GRK5: variants seen among roughly 807,000 people sequenced by gnomAD.
GRK5 encodes G protein-coupled receptor kinase 5.
In GRK5, 40 loss-of-function variants were observed where a neutral mutation model predicts 78.4. The ratio of observed to expected loss-of-function variants is 0.51; its 90% confidence interval spans 0.40 to 0.66. The LOEUF is 0.66. Ranked by LOEUF, GRK5 falls within the 30% of genes least tolerant of loss-of-function variation. The pLI is 0.00. For missense variants in GRK5, 598 were observed against 759.9 expected (o/e 0.79, Z 2.50); for synonymous variants, 289 against 296.8 (o/e 0.97, Z 0.27).
intron 1 of GRK5, among the ~76,000 whole-genome samples, chr10:119,235,579 ACT>A (rs1848911411): frequency 6.6e-6 from 1 of 152,024 alleles, no homozygotes; most frequent in Admixed American, 6.6e-5. Flanking sequence ...GGTTGTTCAG[ACT>A]CCATGAAGCT....
intron 1 of GRK5, among the ~76,000 whole-genome samples, chr10:119,265,612 G>A (rs1049158945): frequency 1.3e-5 from 2 of 152,194 alleles, no homozygotes; most frequent in African/African-American, 2.4e-5. Context: ...TTAGACTCAC[G>A]GGCAATGAAT....
At chr10:119,262,204 ACT>A (rs1466484679) in intron 1 of GRK5, among the ~76,000 whole-genome samples, 2 of 151,922 alleles carry the variant, frequency 1.3e-5, no homozygotes, top group African/African-American at 4.8e-5. Context: ...GGTCTGAAGT[ACT>A]CTCTTAGAAT....
At chr10:119,249,800 T>C (rs1458851780) in intron 1 of GRK5, among the ~76,000 whole-genome samples, 1 of 152,246 alleles carries the variant, frequency 6.6e-6, no homozygotes, top group Non-Finnish European at 1.5e-5. Context: ...TGCGTCCAGC[T>C]GACTTTGAAC....
At chr10:119,444,376 C>T (rs555406051) in intron 12 of GRK5, among the ~76,000 whole-genome samples, 1 of 152,240 alleles carries the variant, frequency 6.6e-6, no homozygotes, top group East Asian at 1.9e-4. Context: ...TGACAGGAGC[C>T]ATTGGAAGTG....
intron 1 of GRK5, among the ~76,000 whole-genome samples, chr10:119,259,210 G>A (rs1011664907): frequency 2.0e-5 from 3 of 152,018 alleles, no homozygotes; most frequent in Admixed American, 6.5e-5. Context: ...GACTATAGGC[G>A]CCCACCACCG....
Position 119,326,496 on chromosome 10 carries a change from C to T in GRK5, c.53-20C>T, listed in dbSNP as rs373525505. 2.5e-6 allele frequency: 4 copies of T among 1,605,868 alleles called. No homozygotes were observed. Among genetic ancestry groups the T allele is most frequent in the Non-Finnish European group, 2.6e-6 (3 of 1,172,816 alleles). ...AGGCTCTGGAGCCTCAGCCAGGCAT[C>T]TTTTTCCCCATCTCTGCAGGGGGCG... On this transcript the variant is annotated intron_variant, in intron 1 of 15. Transcript: ENST00000392870.
chr10:119,406,743 A>G (rs531172647), intron 4 of GRK5, among the ~76,000 whole-genome samples: 47 of 152,346 alleles, frequency 3.1e-4, no homozygotes, highest in South Asian at 2.9e-3. Flanking sequence ...AAGAGGATTG[A>G]AAAGAAAACT....
At chr10:119,208,564 A>G (rs1453402979) in intron 1 of GRK5, 1 of 152,286 alleles carries the variant, frequency 6.6e-6, no homozygotes, top group Non-Finnish European at 1.5e-5. Flanking sequence ...CAGACCACCT[A>G]GAAAATAATT....
chr10:119,422,417 A>T (rs1031706053), intron 4 of GRK5, among the ~76,000 whole-genome samples: 2 of 152,234 alleles, frequency 1.3e-5, no homozygotes. Flanking sequence ...TGAAGCTTTT[A>T]TTGATTTGCT....
rs1400137439 is a variant in GRK5, at chr10:119,458,860, G to A, written c.*3793G>A. The stretch of plus-strand genomic sequence containing the variant: ...CGAGCCGCTGCCCTCAAAACGGAGG[G>A]GGCACCGCAGCCTCCTTGAGCCTGG... On this transcript the variant is annotated 3_prime_UTR_variant, in exon 16 of 16. Coordinates refer to ENST00000392870, the MANE Select transcript of GRK5 (RefSeq NM_005308.3). The A allele has an allele frequency of 6.6e-6, 1 of 152,130 alleles. No individual in the cohort carries two copies. The highest frequency in any genetic ancestry group is 1.9e-4 in the East Asian group (1 of 5,186). 9.4% of individuals were successfully genotyped at this position (152,130 alleles called of 1,614,324 possible).
chr10:119,428,035 G>A (rs1369288940), intron 6 of GRK5, among the ~76,000 whole-genome samples: 1 of 152,246 alleles, frequency 6.6e-6, no homozygotes, highest in Non-Finnish European at 1.5e-5. Flanking sequence ...ATACTGGGAG[G>A]CACAGCCAAC....
intron 4 of GRK5, among the ~76,000 whole-genome samples, chr10:119,411,583 A>AT: frequency 6.6e-6 from 1 of 152,316 alleles, no homozygotes; most frequent in South Asian, 2.1e-4. Context: ...AAGAAAAAGA[A>AT]TAGGAGGTTA....
In GRK5 at chr10:119,452,167, C is replaced by T. The variant is rs931308711; in HGVS notation, c.1405-504C>T. Among the ~76,000 whole-genome samples the T allele has an allele frequency of 6.6e-6, 1 of 152,244 alleles. No homozygotes were observed. The highest frequency in any genetic ancestry group is 2.4e-5 in the African/African-American group (1 of 41,470). On this transcript the variant is annotated intron_variant, in intron 13 of 15. Coordinates refer to ENST00000392870, the MANE Select transcript of GRK5 (RefSeq NM_005308.3). The surrounding 1 kb of genome is among the most constrained non-coding windows in gnomAD (Gnocchi z 4.4). ...CAGGCTCGGTGGCCAGCACTGACAG[C>T]AGCCCCATCGCCCAGGTGCCTCGTT...
At chr10:119,414,691 G>A (rs1852411793) in intron 4 of GRK5, among the ~76,000 whole-genome samples, 1 of 152,158 alleles carries the variant, frequency 6.6e-6, no homozygotes, top group Admixed American at 6.6e-5. Context: ...GTGAAGTGAG[G>A]ACAGTAAGAA....
At chr10:119,353,639 G>T (rs1482231050) in intron 2 of GRK5, among the ~76,000 whole-genome samples, 2 of 152,210 alleles carry the variant, frequency 1.3e-5, no homozygotes, top group Non-Finnish European at 2.9e-5. Flanking sequence ...CAAAGGCTGG[G>T]TGGAGTGAGG....
intron 1 of GRK5, among the ~76,000 whole-genome samples, chr10:119,231,908 G>GTT (rs1848837011): frequency 6.6e-6 from 1 of 152,280 alleles, no homozygotes; most frequent in African/African-American, 2.4e-5. Flanking sequence ...AGCCACGATG[G>GTT]AGAACAGTAT....
chr10:119,422,726 G>T (rs1852595968), intron 4 of GRK5, among the ~76,000 whole-genome samples: 1 of 152,256 alleles, frequency 6.6e-6, no homozygotes, highest in African/African-American at 2.4e-5. Flanking sequence ...CCTGCTGGGG[G>T]CTCAGTGATG....
At chr10:119,226,680 G>A (rs1341431204) in intron 1 of GRK5, among the ~76,000 whole-genome samples, 1 of 151,284 alleles carries the variant, frequency 6.6e-6, no homozygotes. Flanking sequence ...GAGTAGCTAG[G>A]ATTACAGGCG....
rs576305528 is a variant in GRK5 at position 119,276,573 on chromosome 10, G to T, written c.53-49943G>T. 9.2e-5 allele frequency among the ~76,000 whole-genome samples: 14 copies of T among 152,252 alleles called. No individual in the cohort carries two copies. The South Asian group carries it at 2.9e-3, about 32-fold the overall frequency. Reference sequence around the variant, plus strand: ...CCGCAATAAACATACGTGTGCATGTGTCTTTATAGCAGCATGATTTATAGT... The same window carrying T: ...CCGCAATAAACATACGTGTGCATGTTTCTTTATAGCAGCATGATTTATAGT... On this transcript the variant is annotated intron_variant, in intron 1 of 15. Transcript: ENST00000392870.
Sources: allele counts gnomAD v4.1 joint callset (sites outside exome capture counted in the v4.1 genomes callset), GRCh38; gene constraint gnomAD v4.1.1; non-coding constraint Gnocchi (gnomAD v3.1); transcripts MANE v1.5; gene names NCBI Gene and HGNC (gene_info 2026-07-23, HGNC 2026-07-21).